The following CATSPERD variants were observed in gnomAD, a reference collection of about 807,000 sequenced individuals.
CATSPERD encodes cation channel sperm-associated auxiliary subunit delta.
CATSPERD carries 86 observed loss-of-function variants against 98.1 expected under a neutral mutation model. The ratio of observed to expected loss-of-function variants is 0.88; its 90% CI spans 0.74 to 1.05. The LOEUF (loss-of-function observed/expected upper bound fraction) is 1.05, where lower values mean the gene tolerates loss of function less well. Among genes scored for constraint, CATSPERD ranks in the 50% least tolerant of loss-of-function variants. CATSPERD has a pLI of 0.00. For missense variants in CATSPERD, 995 were observed against 1,005.7 expected (o/e 0.99, Z 0.14); for synonymous variants, 394 against 390.2 (o/e 1.01, Z -0.12).
Position 5,729,908 on chromosome 19 carries a change from T to C in CATSPERD, c.240T>C (p.Thr80=), listed in dbSNP as rs369794780. ...TTTTCACAATGGATAACTTTGAGAC[T>C]AGTCTCCTTCCATTTACCATCCCTA... ...QVFFTMDNFE[T]SLLPFTIPTS... Residue 80 remains threonine (T), a synonymous_variant, in exon 4 of 22, where the codon ACT becomes ACC. Transcript: ENST00000381624. 2.5e-6 allele frequency: 4 copies of C among 1,599,544 alleles called. No individual in the cohort carries two copies. Among genetic ancestry groups the C allele is most frequent in the Non-Finnish European group, 3.4e-6 (4 of 1,169,686 alleles).
chr19:5,751,902 C>T (rs2056228802), intron 12 of CATSPERD, 79 bp downstream of exon 12: 2 of 1,328,900 alleles, frequency 1.5e-6, no homozygotes, highest in African/African-American at 1.5e-5. Flanking sequence ...GTGGTGCACG[C>T]CTGTAGCCCC....
At chr19:5,742,606 A>G (rs1476603154) in intron 7 of CATSPERD, among the ~76,000 whole-genome samples, 1 of 151,660 alleles carries the variant, frequency 6.6e-6, no homozygotes, top group Non-Finnish European at 1.5e-5. Flanking sequence ...ACATAGTGAG[A>G]CCCACCCCCC....
rs572014239 is a variant in CATSPERD, at chr19:5,761,703, C to CTT, written c.1428-1499_1428-1498dup. ...AGAGAGAGAGAAACTATCATACATT[C>CTT]TTTTTTTTTTTTTTCTGAGATGGAG... On this transcript the variant is annotated intron_variant, in intron 15 of 21. Coordinates refer to ENST00000381624, the MANE Select transcript of CATSPERD (RefSeq NM_152784.4). Among the ~76,000 whole-genome samples the CTT allele has an allele frequency of 1.3e-4, 8 of 62,532 alleles. No homozygotes were observed. The East Asian group carries it at 1.5e-3, about 12-fold the overall frequency. 41.0% of individuals were successfully genotyped at this position (62,532 alleles called of 152,430 possible). A position where few individuals can be genotyped will look rare whatever the true frequency, so the allele number is the denominator to read the frequency against.
At chr19:5,769,851 G>A (rs1484295639) in intron 18 of CATSPERD, among the ~76,000 whole-genome samples, 3 of 152,092 alleles carry the variant, frequency 2.0e-5, no homozygotes, top group African/African-American at 7.2e-5. Context: ...CACTTTGGGA[G>A]GCCGAGACAG....
intron 21 of CATSPERD, among the ~76,000 whole-genome samples, chr19:5,777,483 T>A (rs2056757754): frequency 5.3e-5 from 8 of 152,178 alleles, no homozygotes. Flanking sequence ...GACCATTTAG[T>A]TAATTTGCCC....
intron 19 of CATSPERD, among the ~76,000 whole-genome samples, chr19:5,771,639 T>C: frequency 6.6e-6 from 1 of 151,726 alleles, no homozygotes; most frequent in Non-Finnish European, 1.5e-5. Flanking sequence ...GACATGATCT[T>C]GGCTTACTGC....
Position 5,720,661 on chromosome 19 carries a change from A to C in CATSPERD, c.-77A>C. Reference sequence around the variant, plus strand: ...CATTGATGCGCATGCGCAGGGCTTCAGCCTGCACGTACTCGGATTGTGCAG... The same window carrying C: ...CATTGATGCGCATGCGCAGGGCTTCCGCCTGCACGTACTCGGATTGTGCAG... On this transcript the variant is annotated 5_prime_UTR_variant, in exon 1 of 22. Transcript: ENST00000381624. The C allele has an allele frequency of 7.1e-7, 1 of 1,408,226 alleles. No homozygotes were observed. The highest frequency in any genetic ancestry group is 9.8e-7 in the Non-Finnish European group (1 of 1,018,812). The allele number at this position is 1,408,226 out of a possible 1,614,324, so 87.2% of individuals were successfully genotyped here. A position where few individuals can be genotyped will look rare whatever the true frequency, so the allele number is the denominator to read the frequency against.
At chr19:5,737,539 ACT>A (rs1397947486) in intron 6 of CATSPERD, among the ~76,000 whole-genome samples, 218 of 107,714 alleles carry the variant, frequency 2.0e-3, no homozygotes, top group Non-Finnish European at 3.5e-3. Flanking sequence ...AACTAGCAAG[ACT>A]CTGTCAAAAA....
chr19:5,757,110 T>A (rs891882069), intron 13 of CATSPERD, among the ~76,000 whole-genome samples: 2 of 148,744 alleles, frequency 1.3e-5, no homozygotes, highest in Non-Finnish European at 3.0e-5. Flanking sequence ...ATTAGCTGGG[T>A]GTGTTGGCGC....
intron 18 of CATSPERD, among the ~76,000 whole-genome samples, chr19:5,769,319 G>T (rs1028971066): frequency 6.6e-6 from 1 of 151,066 alleles, no homozygotes; most frequent in Admixed American, 6.6e-5. Flanking sequence ...AAAAAAGAGG[G>T]TGGTGGGATG....
chr19:5,761,325 C>T (rs1233859784), intron 15 of CATSPERD, among the ~76,000 whole-genome samples: 1 of 152,116 alleles, frequency 6.6e-6, no homozygotes, highest in Non-Finnish European at 1.5e-5. Flanking sequence ...TGGTCTTGAA[C>T]TCCTGACCTC....
rs1416534589 is a variant in CATSPERD, at chr19:5,727,827, G to T, written c.203+483G>T. 9.9e-5 allele frequency among the ~76,000 whole-genome samples: 15 copies of T among 152,032 alleles called. No individual in the cohort carries two copies. The Admixed American group carries it at 9.9e-4, about 10-fold the overall frequency. ...ATGCCAGGATGCTTACCCTCACCCT[G>T]AGGGTAGTGGAGGATGTGGGGCTGC... On this transcript the variant is annotated intron_variant, in intron 3 of 21. Coordinates refer to ENST00000381624, the MANE Select transcript of CATSPERD (RefSeq NM_152784.4).
intron 9 of CATSPERD, among the ~76,000 whole-genome samples, chr19:5,747,849 C>T (rs974346210): frequency 2.6e-5 from 4 of 152,016 alleles, no homozygotes; most frequent in African/African-American, 4.8e-5. Context: ...TGACTTCAAG[C>T]GATCTGCCCA....
chr19:5,742,502 C>T (rs1417471825), intron 7 of CATSPERD, among the ~76,000 whole-genome samples: 1 of 152,106 alleles, frequency 6.6e-6, no homozygotes, highest in African/African-American at 2.4e-5. Flanking sequence ...ATATTGACGG[C>T]TGGGTACAGT....
At chr19:5,748,455 A>AC (rs1462833872) in intron 10 of CATSPERD, among the ~76,000 whole-genome samples, 200 bp downstream of exon 10, 1 of 151,520 alleles carries the variant, frequency 6.6e-6, no homozygotes, top group African/African-American at 2.4e-5. Flanking sequence ...ACATGGTGAA[A>AC]CCCCCTCTCT....
At chr19:5,747,261 A>ACC (rs1254441279) in intron 9 of CATSPERD, among the ~76,000 whole-genome samples, 2 of 124,934 alleles carry the variant, frequency 1.6e-5, no homozygotes, top group African/African-American at 3.2e-5. Flanking sequence ...CAGCCTCCCC[A>ACC]CCTCTCAGGC....
At chr19:5,750,219 T>C (rs569117354) in intron 11 of CATSPERD, among the ~76,000 whole-genome samples, 91 of 147,912 alleles carry the variant, frequency 6.2e-4, no homozygotes, top group East Asian at 4.5e-3. Flanking sequence ...GTGGCCAAGG[T>C]GGGCGGATCA....
chr19:5,721,859 G>C (rs1458919387), intron 1 of CATSPERD, among the ~76,000 whole-genome samples: 1 of 151,872 alleles, frequency 6.6e-6, no homozygotes, highest in Non-Finnish European at 1.5e-5. Context: ...CTTGGTGGCA[G>C]GTGCCTGTAA....
chr19:5,744,874 T>C (rs1273968676), intron 8 of CATSPERD, among the ~76,000 whole-genome samples: 3 of 151,852 alleles, frequency 2.0e-5, no homozygotes, highest in Non-Finnish European at 4.4e-5. Context: ...GGCCTGGGAT[T>C]ACAGGTGTAA....
Sources: allele counts gnomAD v4.1 joint callset (sites outside exome capture counted in the v4.1 genomes callset), GRCh38; gene constraint gnomAD v4.1.1; transcripts MANE v1.5; gene names NCBI Gene and HGNC (gene_info 2026-07-23, HGNC 2026-07-21).